PUM3: variants seen among roughly 807,000 people sequenced by gnomAD.
The protein encoded by PUM3 is pumilio RNA binding family member 3, also known as pumilio homolog 3.
Under a neutral mutation model 84.0 loss-of-function variants are expected in PUM3, and 91 were observed. The ratio of observed to expected loss-of-function variants is 1.08; its 90% CI spans 0.91 to 1.29. The LOEUF is 1.29. Ranked by LOEUF, PUM3 falls within the 50% of genes most tolerant of loss-of-function variation. The pLI, the probability that PUM3 is intolerant of heterozygous loss-of-function variation, is 0.00. For synonymous variants in PUM3, 321 were observed against 266.7 expected (o/e 1.20, Z -1.98); for missense variants, 1,067 against 767.5 (o/e 1.39, Z -4.61).
At chr9:2,843,510 C>G (rs1816321671) in intron 1 of PUM3, among the ~76,000 whole-genome samples, 1 of 151,680 alleles carries the variant, frequency 6.6e-6, no homozygotes, top group Non-Finnish European at 1.5e-5. Context: ...CGGAGTGAAG[C>G]TAGTCCACTC....
intron 11 of PUM3, among the ~76,000 whole-genome samples, chr9:2,824,362 CTGTT>C (rs1003351795): frequency 4.6e-5 from 7 of 152,114 alleles, no homozygotes; most frequent in African/African-American, 1.2e-4. Flanking sequence ...GTGTGGCCAG[CTGTT>C]TGTTATCTCT....
Position 2,807,799 on chromosome 9 carries a change from A to C in PUM3, c.1814+15T>G. On this transcript the variant is annotated intron_variant, in intron 17 of 17. Coordinates refer to ENST00000397885, the MANE Select transcript of PUM3 (RefSeq NM_014878.5). Reference sequence around the variant, plus strand: ...GACCAGGCCCTGCTCAGAGAAGGGCACATGTTATACATACCTAGAAAGAAT... The same window carrying C: ...GACCAGGCCCTGCTCAGAGAAGGGCCCATGTTATACATACCTAGAAAGAAT... 6.4e-7 allele frequency: 1 copy of C among 1,551,968 alleles called. No individual in the cohort carries two copies. Among genetic ancestry groups the C allele is most frequent in the Non-Finnish European group, 8.9e-7 (1 of 1,124,146 alleles).
intron 16 of PUM3, among the ~76,000 whole-genome samples, chr9:2,808,433 C>T (rs1472195906): frequency 1.3e-5 from 2 of 152,180 alleles, no homozygotes; most frequent in African/African-American, 2.4e-5. Context: ...ATCAAAAATA[C>T]CATTTTTCTC....
chr9:2,820,237 A>T (rs1672684084), intron 12 of PUM3, 139 bp from the exon 13 acceptor site: 1 of 514,310 alleles, frequency 1.9e-6, no homozygotes, highest in African/African-American at 1.9e-5. Context: ...CTACATTGAC[A>T]ACTTGTCTAA....
intron 10 of PUM3, among the ~76,000 whole-genome samples, chr9:2,825,907 G>A (rs369448081): frequency 6.6e-6 from 1 of 152,130 alleles, no homozygotes; most frequent in Non-Finnish European, 1.5e-5. Flanking sequence ...CTCATGCCAC[G>A]AAAGAGAGGG....
chr9:2,833,222 T>A, intron 5 of PUM3, 135 bp downstream of exon 5: 1 of 484,540 alleles, frequency 2.1e-6, no homozygotes, highest in Non-Finnish European at 3.7e-6. Flanking sequence ...TTCAGTGTTA[T>A]GGAAGATATT....
chr9:2,815,535 A>C (rs1159089842), intron 13 of PUM3, among the ~76,000 whole-genome samples: 1 of 152,220 alleles, frequency 6.6e-6, no homozygotes, highest in Non-Finnish European at 1.5e-5. Context: ...AAATCCATTA[A>C]ACTCTTTGCA....
intron 12 of PUM3, among the ~76,000 whole-genome samples, chr9:2,823,112 A>G (rs1191263031): frequency 6.6e-6 from 1 of 152,030 alleles, no homozygotes; most frequent in East Asian, 1.9e-4. Flanking sequence ...CAAAAATTAA[A>G]ATTGTATTCA....
intron 5 of PUM3, among the ~76,000 whole-genome samples, chr9:2,832,877 G>A (rs112245322): frequency 6.6e-6 from 1 of 152,130 alleles, no homozygotes; most frequent in South Asian, 2.1e-4. Context: ...TACAAAACAG[G>A]ATTAAGCAGC....
chr9:2,829,128 C>T (rs1040097913), intron 8 of PUM3, among the ~76,000 whole-genome samples: 2 of 152,198 alleles, frequency 1.3e-5, no homozygotes, highest in Non-Finnish European at 2.9e-5. Flanking sequence ...ATATAACGAA[C>T]TGTTAACAAA....
intron 10 of PUM3, among the ~76,000 whole-genome samples, chr9:2,825,505 C>T (rs1815792391): frequency 1.3e-5 from 2 of 151,224 alleles, no homozygotes; most frequent in Non-Finnish European, 2.9e-5. Flanking sequence ...TTTTTGGAGA[C>T]GGAGTCTTGC....
intron 11 of PUM3, among the ~76,000 whole-genome samples, chr9:2,824,407 TAA>T (rs966194900): frequency 6.6e-6 from 1 of 152,168 alleles, no homozygotes; most frequent in African/African-American, 2.4e-5. Flanking sequence ...GTATGATCAT[TAA>T]AAGAGGAGGT....
Position 2,837,403 on chromosome 9 carries a change from T to C in PUM3, c.83-2A>G. 6.3e-7 allele frequency: 1 copy of C among 1,577,078 alleles called. No homozygotes were observed. Among genetic ancestry groups the C allele is most frequent in the Non-Finnish European group, 8.7e-7 (1 of 1,147,864 alleles). On this transcript the variant is annotated splice_acceptor_variant, in intron 2 of 17. Coordinates refer to ENST00000397885, the MANE Select transcript of PUM3 (RefSeq NM_014878.5). LOFTEE classifies it high-confidence loss of function. ...GAAATGTCTTTGAAGAACCAGAATC[T>C]AGTGACAATAATAATTATAAGTTCA...
rs78643828 is a variant in PUM3 at position 2,821,171 on chromosome 9, G to A, written c.1189-1073C>T. ...CAACTAAAAATGGGCAAAGCCAGGT[G>A]CGGTAGCTCACGCCTGTAATCCCAG... On this transcript the variant is annotated intron_variant, in intron 12 of 17. Coordinates refer to ENST00000397885, the MANE Select transcript of PUM3 (RefSeq NM_014878.5). Among the ~76,000 whole-genome samples the A allele has an allele frequency of 8.1e-3, 1,236 of 152,252 alleles. 26 individuals carry two copies. Among genetic ancestry groups the A allele is most frequent in the African/African-American group, 0.029 (1,191 of 41,558 alleles).
chr9:2,837,237 G>C lies in PUM3; in HGVS notation c.247C>G (p.Gln83Glu). Residue 83 changes from glutamine to glutamate, a missense_variant, in exon 3 of 18, where the codon CAG becomes GAG. Physicochemically the swap from Gln to Glu is conservative, Grantham distance 29. Coordinates refer to ENST00000397885, the MANE Select transcript of PUM3 (RefSeq NM_014878.5). ...QGDKSPKNKF[Q>E]PANKFNKKRK... ...TTCTTGTTGAATTTATTTGCCGGCTGGAATTTGTTCTTTGGTGATTTGTCC... is the reference window on the plus strand; with the variant it reads ...TTCTTGTTGAATTTATTTGCCGGCTCGAATTTGTTCTTTGGTGATTTGTCC... 6.2e-7 allele frequency: 1 copy of C among 1,614,058 alleles called. No homozygotes were observed.
chr9:2,823,708 A>G lies in PUM3; in HGVS notation c.1188+73T>C, dbSNP rs1160423810. The G allele has an allele frequency of 7.6e-6, 5 of 657,922 alleles. No individual in the cohort carries two copies. In the Admixed American group the frequency reaches 1.8e-4, roughly 24 times the overall value. 40.8% of individuals were successfully genotyped at this position (657,922 alleles called of 1,614,324 possible). A position where few individuals can be genotyped will look rare whatever the true frequency, so the allele number is the denominator to read the frequency against. ...GCTTGGTAATTTTCTGAATTTTTCC[A>G]AATTTTCTATAATAGACATGAATTC... On this transcript the variant is annotated intron_variant, in intron 12 of 17. Transcript: ENST00000397885.
At position 2,837,420 on chromosome 9, in the gene PUM3, A is replaced by G. The variant is rs768785273; in HGVS notation, c.83-19T>C. 7.3e-6 allele frequency: 11 copies of G among 1,503,670 alleles called. No homozygotes were observed. Among genetic ancestry groups the G allele is most frequent in the African/African-American group, 1.4e-5 (1 of 72,222 alleles). The allele number at this position is 1,503,670 out of a possible 1,614,324, so 93.1% of individuals were successfully genotyped here. Reference sequence around the variant, plus strand: ...CCAGAATCTAGTGACAATAATAATTATAAGTTCAATGATTCTGGGCCCAAA... The same window carrying G: ...CCAGAATCTAGTGACAATAATAATTGTAAGTTCAATGATTCTGGGCCCAAA... On this transcript the variant is annotated intron_variant, in intron 2 of 17. Coordinates refer to ENST00000397885, the MANE Select transcript of PUM3 (RefSeq NM_014878.5).
intron 8 of PUM3, 58 bp downstream of exon 8, chr9:2,829,716 T>C: frequency 1.4e-6 from 2 of 1,461,008 alleles, no homozygotes; most frequent in African/African-American, 1.4e-5. Flanking sequence ...GCACCGGAAG[T>C]TAAGGAAGAG....
chr9:2,819,382 C>G (rs1033425750), intron 13 of PUM3, among the ~76,000 whole-genome samples: 3 of 152,198 alleles, frequency 2.0e-5, no homozygotes, highest in African/African-American at 7.2e-5. Flanking sequence ...AGTATTACCA[C>G]TTTATGGCCA....
Sources: gnomAD v4.1 joint callset for allele counts (sites outside exome capture counted in the v4.1 genomes callset) on GRCh38, gnomAD v4.1.1 for gene constraint, MANE v1.5 for transcripts, NCBI Gene and HGNC (gene_info 2026-07-23, HGNC 2026-07-21) for gene names.